Variants in TPTE2 observed in about 807,000 individuals in gnomAD.
TPTE2 encodes transmembrane phosphoinositide 3-phosphatase and tensin homolog 2.
TPTE2 carries 53 observed loss-of-function variants against 78.6 expected under a neutral mutation model. The ratio of observed to expected loss-of-function variants is 0.67; its 90% CI spans 0.54 to 0.85. The LOEUF is 0.85. Among genes scored for constraint, TPTE2 ranks in the 40% least tolerant of loss-of-function variants. TPTE2 has a pLI of 0.00. For synonymous variants in TPTE2, 175 were observed against 206.2 expected, an observed-to-expected ratio of 0.85 and a Z score of 1.30; for missense variants, 461 against 623.0, an observed-to-expected ratio of 0.74 and a Z score of 2.77.
At chr13:19,477,669 G>A (rs1028537958) in intron 4 of TPTE2, among the ~76,000 whole-genome samples, 3 of 152,180 alleles carry the variant, frequency 2.0e-5, no homozygotes, top group African/African-American at 7.2e-5. Flanking sequence ...ACAGAACCAA[G>A]TCTGACAGAT....
chr13:19,554,624 C>T, the TPTE2 span, among the ~76,000 whole-genome samples: 2 of 151,992 alleles, frequency 1.3e-5, no homozygotes, highest in South Asian at 2.1e-4. Context: ...GAACAAATTC[C>T]TAAGAACACA....
chr13:19,437,324 C>T (rs1322607212), intron 14 of TPTE2, among the ~76,000 whole-genome samples: 4 of 152,070 alleles, frequency 2.6e-5, no homozygotes, highest in African/African-American at 9.7e-5. Context: ...CCAAACAACT[C>T]GAGCAGAGCT....
At chr13:19,493,761 T>C (rs973671139) in intron 1 of TPTE2, 3 of 498,338 alleles carry the variant, frequency 6.0e-6, no homozygotes, top group African/African-American at 1.9e-5. Flanking sequence ...TCAGTCCCAA[T>C]GTGTGACAGA....
intron 13 of TPTE2, among the ~76,000 whole-genome samples, chr13:19,443,755 C>G (rs1254463945): frequency 7.2e-6 from 1 of 138,692 alleles, no homozygotes; most frequent in Non-Finnish European, 1.6e-5. Flanking sequence ...CACACACACA[C>G]ACACACACAC....
chr13:19,475,839 G>A lies in TPTE2; in HGVS notation c.180-216C>T, dbSNP rs556373141. ...ATCCAGAAGACAGTAAACTTTGGAT[G>A]TTTAGTAACATTTCCATTGCATGCA... On this transcript the variant is annotated intron_variant, in intron 4 of 19. Transcript: ENST00000400230. Among the ~76,000 whole-genome samples the A allele has an allele frequency of 2.0e-5, 3 of 152,216 alleles. No homozygotes were observed. The South Asian group carries it at 6.2e-4, about 32-fold the overall frequency.
chr13:19,429,102 G>A (rs903501806), intron 17 of TPTE2, among the ~76,000 whole-genome samples: 3 of 152,194 alleles, frequency 2.0e-5, no homozygotes, highest in African/African-American at 7.2e-5. Flanking sequence ...TTGAGACAAA[G>A]GTGTTAACTG....
At chr13:19,548,127 G>A in the TPTE2 span, among the ~76,000 whole-genome samples, 1 of 152,050 alleles carries the variant, frequency 6.6e-6, no homozygotes, top group Non-Finnish European at 1.5e-5. Flanking sequence ...TTTAAAATAT[G>A]GTACAACAAA....
chr13:19,476,142 C>T lies in TPTE2; in HGVS notation c.180-519G>A, dbSNP rs142509315. On this transcript the variant is annotated intron_variant, in intron 4 of 19. Transcript: ENST00000400230. The stretch of plus-strand genomic sequence containing the variant: ...TGAGCAAGAGTCACATATGAGGTTG[C>T]AAATGAACTTCAGAGGTAAGACATT... 4.0e-3 allele frequency among the ~76,000 whole-genome samples: 604 copies of T among 152,168 alleles called. 1 individual carries two copies. Among genetic ancestry groups the T allele is most frequent in the African/African-American group, 0.014 (581 of 41,526 alleles).
chr13:19,547,918 A>G, the TPTE2 span, among the ~76,000 whole-genome samples: 25 of 151,746 alleles, frequency 1.6e-4, no homozygotes, highest in Admixed American at 3.9e-4. Context: ...CTTTTATATC[A>G]TTTGACTTTT....
chr13:19,459,913 A>G (rs1358513782), intron 10 of TPTE2, among the ~76,000 whole-genome samples: 3 of 152,042 alleles, frequency 2.0e-5, no homozygotes, highest in African/African-American at 7.3e-5. Flanking sequence ...GGGAACTCAG[A>G]CCCATCTGAG....
At chr13:19,488,550 T>C (rs1188835983) in intron 3 of TPTE2, among the ~76,000 whole-genome samples, 1 of 152,250 alleles carries the variant, frequency 6.6e-6, no homozygotes, top group African/African-American at 2.4e-5. Context: ...TGCACTTTTA[T>C]GTTATAGAGA....
the TPTE2 span, chr13:19,561,137 G>A: frequency 0.016 from 25,265 of 1,602,430 alleles, 276 homozygotes; most frequent in African/African-American, 0.04. Context: ...GGTGGGAGCT[G>A]GACCAGGGGC....
At chr13:19,559,047 T>G in the TPTE2 span, among the ~76,000 whole-genome samples, 1 of 152,244 alleles carries the variant, frequency 6.6e-6, no homozygotes, top group Non-Finnish European at 1.5e-5. Context: ...TTTGAAATAC[T>G]GATTGCAGAT....
At chr13:19,485,176 T>C (rs1256673081) in intron 3 of TPTE2, among the ~76,000 whole-genome samples, 1 of 152,192 alleles carries the variant, frequency 6.6e-6, no homozygotes. Context: ...GTTTTTATGA[T>C]GGTGGTTATC....
At chr13:19,498,789 C>T (rs1881563599) in intron 1 of TPTE2, among the ~76,000 whole-genome samples, 1 of 151,726 alleles carries the variant, frequency 6.6e-6, no homozygotes, top group Non-Finnish European at 1.5e-5. Flanking sequence ...ATCAAATTCA[C>T]ACATAACAAT....
the TPTE2 span, chr13:19,560,670 C>T: frequency 7.1e-6 from 11 of 1,538,666 alleles, no homozygotes; most frequent in East Asian, 2.2e-4. Flanking sequence ...GCTTCTCAGG[C>T]TCAACCACCA....
rs1491404445 is a variant in TPTE2 at position 19,467,354 on chromosome 13, A to AT, written c.393-11_393-10insA. 9 of 11,512 alleles carry AT rather than the reference A, an allele frequency of 7.8e-4. No individual in the cohort carries two copies. The highest frequency in any genetic ancestry group is 0.029 in the East Asian group (2 of 70). 0.7% of individuals were successfully genotyped at this position (11,512 alleles called of 1,614,324 possible). On this transcript the variant is annotated splice_polypyrimidine_tract_variant and intron_variant, in intron 6 of 19. Coordinates refer to ENST00000400230, the Ensembl canonical transcript of TPTE2. ...AAAATACTGCTGTCTCCTGTAATATAAAAAAAAAAAAAAAAAAGTTCATTT... is the reference window on the plus strand; with the variant it reads ...AAAATACTGCTGTCTCCTGTAATATATAAAAAAAAAAAAAAAAAGTTCATTT...
the TPTE2 span, among the ~76,000 whole-genome samples, chr13:19,556,921 TC>T: frequency 0.62 from 94,398 of 151,984 alleles, 32,976 homozygotes; most frequent in East Asian, 0.89. Flanking sequence ...AAATTTAATG[TC>T]AAGCAAGAGG....
At chr13:19,450,199 T>C (rs778753716) in intron 12 of TPTE2, 35 bp from the exon 16 acceptor site, 1 of 1,610,374 alleles carries the variant, frequency 6.2e-7, no homozygotes, top group Non-Finnish European at 8.5e-7. Flanking sequence ...GTTAAAATAT[T>C]TTCAAAAAAT....
Sources: gnomAD v4.1 joint callset for allele counts (sites outside exome capture counted in the v4.1 genomes callset) on GRCh38, gnomAD v4.1.1 for gene constraint, MANE v1.5 for transcripts, NCBI Gene and HGNC (gene_info 2026-07-23, HGNC 2026-07-21) for gene names.